Variants in BCAS3 observed in about 807,000 individuals in gnomAD.
BCAS3 encodes the protein BCAS4/BCAS3 fusion.
BCAS3 carries 53 observed loss-of-function variants against 116.1 expected under a neutral mutation model. That is an observed-to-expected ratio of 0.46 (90% CI 0.37 to 0.57). The LOEUF (loss-of-function observed/expected upper bound fraction) is 0.57, where lower values mean the gene tolerates loss of function less well. Among genes scored for constraint, BCAS3 ranks in the 20% least tolerant of loss-of-function variants. The pLI, the probability that BCAS3 is intolerant of heterozygous loss-of-function variation, is 0.00. For missense variants in BCAS3, 917 were observed against 1,165.4 expected (o/e 0.79, Z 3.10); for synonymous variants, 391 against 408.2 (o/e 0.96, Z 0.51).
rs1279975982 is a variant in BCAS3 at position 61,364,940 on chromosome 17, G to A, written c.2426-3387G>A. Among the ~76,000 whole-genome samples the A allele has an allele frequency of 6.6e-6, 1 of 152,146 alleles. No individual in the cohort carries two copies. Among genetic ancestry groups the A allele is most frequent in the African/African-American group, 2.4e-5 (1 of 41,424 alleles). The stretch of plus-strand genomic sequence containing the variant: ...CATTATGATAGTCAGAATTTATGAT[G>A]ATGCCCCAAGTGGTATAAAGGCATA... On this transcript the variant is annotated intron_variant, in intron 22 of 23. Coordinates refer to ENST00000407086, the MANE Select transcript of BCAS3 (RefSeq NM_017679.5). The surrounding 1 kb of genome is among the most constrained non-coding windows in gnomAD (Gnocchi z 5.4).
intron 19 of BCAS3, among the ~76,000 whole-genome samples, chr17:61,061,758 A>G (rs2070066437): frequency 6.6e-6 from 1 of 152,184 alleles, no homozygotes; most frequent in Non-Finnish European, 1.5e-5. Context: ...TACCGTTGCT[A>G]CTGTTGAAGC....
At chr17:61,109,073 C>T (rs2074876357) in intron 22 of BCAS3, among the ~76,000 whole-genome samples, 1 of 151,574 alleles carries the variant, frequency 6.6e-6, no homozygotes, top group South Asian at 2.1e-4. Flanking sequence ...GTAATCCCAG[C>T]TACTCAGGAG....
chr17:60,681,551 CT>C (rs982953739), intron 2 of BCAS3, among the ~76,000 whole-genome samples: 17 of 146,722 alleles, frequency 1.2e-4, no homozygotes, highest in East Asian at 2.0e-4. Context: ...ATATATTATT[CT>C]TTTTTTTTTC....
At chr17:61,353,917 G>A (rs2058010099) in intron 22 of BCAS3, 1 of 152,250 alleles carries the variant, frequency 6.6e-6, no homozygotes, top group Non-Finnish European at 1.5e-5. Context: ...AGTAACGCCA[G>A]GCTGAGCTCT....
chr17:61,108,652 T>C (rs1055120426), intron 22 of BCAS3, among the ~76,000 whole-genome samples: 4 of 151,866 alleles, frequency 2.6e-5, no homozygotes, highest in African/African-American at 9.7e-5. Flanking sequence ...CAGGTGGTGT[T>C]TGGTTACATG....
At chr17:61,264,042 G>C (rs1270584767) in intron 22 of BCAS3, among the ~76,000 whole-genome samples, 1 of 152,150 alleles carries the variant, frequency 6.6e-6, no homozygotes, top group African/African-American at 2.4e-5. Context: ...GTAAAGTTAT[G>C]TGGATTCTAG....
chr17:60,819,217 T>C (rs1165428961), intron 7 of BCAS3, among the ~76,000 whole-genome samples: 1 of 152,184 alleles, frequency 6.6e-6, no homozygotes, highest in Non-Finnish European at 1.5e-5. Context: ...TTAGTTTTTG[T>C]TTGGTGATAA....
At chr17:61,184,057 TGAG>T (rs1485327105) in intron 22 of BCAS3, among the ~76,000 whole-genome samples, 2 of 152,170 alleles carry the variant, frequency 1.3e-5, no homozygotes, top group Non-Finnish European at 2.9e-5. Flanking sequence ...TGTTTTCAAT[TGAG>T]GAGACATTGG....
chr17:61,132,813 C>G lies in BCAS3; in HGVS notation c.2425+48249C>G, dbSNP rs2076410226. On this transcript the variant is annotated intron_variant, in intron 22 of 23. Transcript: ENST00000407086. The surrounding 1 kb of genome is among the most constrained non-coding windows in gnomAD (Gnocchi z 5.1). ...AATGAGAAGAAGCTCCTTACCAGGT[C>G]TGTGTGGGTCACGGGGCAAGATCAA... Among the ~76,000 whole-genome samples, 1 of 152,152 alleles carries G rather than the reference C, an allele frequency of 6.6e-6. No homozygotes were observed. The highest frequency in any genetic ancestry group is 1.9e-4 in the East Asian group (1 of 5,196).
At chr17:61,194,961 C>T (rs2144249650) in intron 22 of BCAS3, among the ~76,000 whole-genome samples, 1 of 152,242 alleles carries the variant, frequency 6.6e-6, no homozygotes, top group Middle Eastern at 3.4e-3. Flanking sequence ...CCACCATAGC[C>T]AGCCAGCCTG....
rs1013629403 is a variant in BCAS3, at chr17:61,012,082, A to G, written c.1487-3669A>G. 6.6e-6 allele frequency among the ~76,000 whole-genome samples: 1 copy of G among 152,034 alleles called. No homozygotes were observed. Among genetic ancestry groups the G allele is most frequent in the East Asian group, 1.9e-4 (1 of 5,200 alleles). On this transcript the variant is annotated intron_variant, in intron 15 of 23. Coordinates refer to ENST00000407086, the MANE Select transcript of BCAS3 (RefSeq NM_017679.5). This position sits in a 1 kb window ranked among gnomAD's most constrained non-coding sequence, Gnocchi z 4.5. ...TAAGTTGTCCTTTAAAACAATAATA[A>G]AAGTGACTCCTTACTTTTTGTTCCT...
chr17:60,834,051 TAAC>T (rs1218731107), intron 7 of BCAS3, among the ~76,000 whole-genome samples: 1 of 152,108 alleles, frequency 6.6e-6, no homozygotes, highest in Admixed American at 6.5e-5. Flanking sequence ...CTGATTCTAA[TAAC>T]AGGAAAGAGA....
chr17:60,911,139 T>TTTTTTTTTTTTTTTTTTTC, intron 12 of BCAS3, among the ~76,000 whole-genome samples: 1 of 142,658 alleles, frequency 7.0e-6, no homozygotes, highest in Non-Finnish European at 1.5e-5. Context: ...TTTTTTTTTT[T>TTTTTTTTTTTTTTTTTTTC]TGAGATGGAG....
intron 22 of BCAS3, among the ~76,000 whole-genome samples, chr17:61,267,464 G>T (rs990255600): frequency 1.3e-5 from 2 of 151,696 alleles, no homozygotes; most frequent in African/African-American, 4.8e-5. Context: ...TAGGCCAGGT[G>T]CGGTGGCTCA....
chr17:60,925,797 T>C (rs2059338149), intron 13 of BCAS3, among the ~76,000 whole-genome samples: 1 of 152,100 alleles, frequency 6.6e-6, no homozygotes, highest in Non-Finnish European at 1.5e-5. Context: ...AAGTTACAGG[T>C]TGAGTACTTT....
chr17:61,041,198 AT>A lies in BCAS3; in HGVS notation c.2029+307del, dbSNP rs1358900278. On this transcript the variant is annotated intron_variant, in intron 19 of 23. Coordinates refer to ENST00000407086, the MANE Select transcript of BCAS3 (RefSeq NM_017679.5). This position sits in a 1 kb window ranked among gnomAD's most constrained non-coding sequence, Gnocchi z 4.7. ...AACCACCACCTGAAAATGCTAGGAT[AT>A]AATAAAAAGTTTCATAAAGCTTGGA... Among the ~76,000 whole-genome samples the A allele has an allele frequency of 1.3e-5, 2 of 152,190 alleles. No individual in the cohort carries two copies. The highest frequency in any genetic ancestry group is 4.8e-5 in the African/African-American group (2 of 41,530).
chr17:61,373,094 T>C (rs2059131703), intron 23 of BCAS3, among the ~76,000 whole-genome samples: 1 of 13,698 alleles, frequency 7.3e-5, no homozygotes, highest in Non-Finnish European at 3.8e-4. Flanking sequence ...AAGTATTCCT[T>C]TTTTTTTTTT....
At position 61,162,536 on chromosome 17, in the gene BCAS3, C is replaced by A. The variant is rs981898453; in HGVS notation, c.2425+77972C>A. Reference sequence around the variant, plus strand: ...TTTCCTGCTACAGTCTGTTGTACAGCAGCAAGACCAAGATGATTCCAGTAA... The same window carrying A: ...TTTCCTGCTACAGTCTGTTGTACAGAAGCAAGACCAAGATGATTCCAGTAA... On this transcript the variant is annotated intron_variant, in intron 22 of 23. Transcript: ENST00000407086. The surrounding 1 kb of genome is among the most constrained non-coding windows in gnomAD (Gnocchi z 5.6). 3.9e-5 allele frequency among the ~76,000 whole-genome samples: 6 copies of A among 152,198 alleles called. No individual in the cohort carries two copies. Among genetic ancestry groups the A allele is most frequent in the African/African-American group, 1.4e-4 (6 of 41,428 alleles).
At chr17:60,982,333 G>A (rs1008285386) in intron 14 of BCAS3, among the ~76,000 whole-genome samples, 6 of 151,914 alleles carry the variant, frequency 3.9e-5, no homozygotes, top group African/African-American at 1.5e-4. Flanking sequence ...CAGATTGGGG[G>A]TCTCACTCTG....
Sources: allele counts gnomAD v4.1 joint callset (sites outside exome capture counted in the v4.1 genomes callset), GRCh38; gene constraint gnomAD v4.1.1; non-coding constraint Gnocchi (gnomAD v3.1); transcripts MANE v1.5; gene names NCBI Gene and HGNC (gene_info 2026-07-23, HGNC 2026-07-21).